Variants in KRT9 observed in about 807,000 individuals in gnomAD.
KRT9 encodes keratin, type I cytoskeletal 9.
In KRT9, 34 loss-of-function variants were observed where a neutral mutation model predicts 51.4. The observed-to-expected ratio is 0.66, with a 90% CI of 0.50 to 0.88. The LOEUF is 0.88. Among genes scored for constraint, KRT9 ranks in the 40% least tolerant of loss-of-function variants. The pLI, the probability that KRT9 is intolerant of heterozygous loss-of-function variation, is 0.00. For missense variants in KRT9, 753 were observed against 790.3 expected, an observed-to-expected ratio of 0.95 and a Z score of 0.57; for synonymous variants, 292 against 289.7, an observed-to-expected ratio of 1.01 and a Z score of -0.08.
rs1489175043 is a variant in KRT9, at chr17:41,567,697, C to T, written c.1448G>A (p.Gly483Asp). The T allele has an allele frequency of 1.2e-6, 2 of 1,613,958 alleles. No homozygotes were observed. The highest frequency in any genetic ancestry group is 1.7e-6 in the Non-Finnish European group (2 of 1,179,952). Reference protein sequence around the residue: ...IGLGGRGGSGGSYGRGSRGGS... With the variant: ...IGLGGRGGSGDSYGRGSRGGS... ...TCCCCTGGATCCTCTTCCATAACTG[C>T]CTCCACTTCCTCCTCGACCTCCAAG... Residue 483 changes from glycine (G) to aspartate (D), a missense_variant, in exon 7 of 8, where the codon GGC (glycine) becomes GAC (aspartate). Coordinates refer to ENST00000246662, the MANE Select transcript of KRT9 (RefSeq NM_000226.4).
Position 41,570,177 on chromosome 17 carries a change from A to G in KRT9, c.686T>C (p.Ile229Thr), listed in dbSNP as rs1190640783. ...ATCCAGTGTCATGCGAGTGTTGTCA[A>G]TGTCCAGGAGAGTTTTGTTGTTGCC... ...TVGNNKTLLD[I>T]DNTRMTLDDF... Residue 229 changes from isoleucine (I) to threonine (T), a missense_variant, in exon 2 of 8, where the codon ATT becomes ACT. Physicochemically the swap from Ile to Thr is moderately conservative, Grantham distance 89. Coordinates refer to ENST00000246662, the MANE Select transcript of KRT9 (RefSeq NM_000226.4). 4.3e-6 allele frequency: 7 copies of G among 1,614,138 alleles called. No individual in the cohort carries two copies. The Admixed American group carries it at 8.3e-5, about 19-fold the overall frequency.
Position 41,569,959 on chromosome 17 carries a change from C to T in KRT9, c.782G>A (p.Arg261Gln), listed in dbSNP as rs143907766. ...QGVDADINGL[R>Q]QVLDNLTMEK... ...CATGGTCAGATTGTCCAGCACCTGC[C>T]GCAGGCCATTGATGTCAGCATCCAC... The change falls in exon 3 of 8, where the codon CGG (arginine) becomes CAG (glutamine). Residue 261 changes from arginine to glutamine, a missense_variant. Arg to Gln is a conservative substitution (Grantham distance 43). Transcript: ENST00000246662. 20 of 1,614,028 alleles carry T rather than the reference C, an allele frequency of 1.2e-5. No individual in the cohort carries two copies. The highest frequency in any genetic ancestry group is 1.7e-5 in the Admixed American group (1 of 60,002).
Position 41,571,631 on chromosome 17 carries a change from C to G in KRT9, c.362G>C (p.Gly121Ala). The change falls in exon 1 of 8, where the codon GGT (glycine) becomes GCT (alanine). Residue 121 changes from glycine to alanine, a missense_variant. Coordinates refer to ENST00000246662, the MANE Select transcript of KRT9 (RefSeq NM_000226.4). The part of the protein sequence containing the change: ...FGGGFGGGSG[G>A]GFGGGYGSGF... ...ACTCCCATAGCCACCACCAAAGCCA[C>G]CTCCAGAACCACCACCAAAGCCACC... is the stretch of plus-strand genomic sequence containing the variant. The G allele has an allele frequency of 6.2e-7, 1 of 1,605,366 alleles. No homozygotes were observed.
intron 6 of KRT9, 38 bp from the exon 7 acceptor site, chr17:41,567,788 G>GC: frequency 1.2e-6 from 2 of 1,613,258 alleles, no homozygotes; most frequent in African/African-American, 1.3e-5. Flanking sequence ...AAAATGAGCG[G>GC]CCCCCATACA....
intron 3 of KRT9, 51 bp downstream of exon 3, chr17:41,569,808 G>A (rs1393845484): frequency 1.2e-6 from 2 of 1,607,678 alleles, no homozygotes; most frequent in African/African-American, 2.7e-5. Context: ...TGCTGTCTCT[G>A]CATTTCTGCT....
In KRT9 at chr17:41,567,357, A is replaced by G. The variant is rs747154475; in HGVS notation, c.1788T>C (p.Ser596=). ...HGGGSGFGGE[S]GGSYGGGEEA... Reference sequence around the variant, plus strand: ...CTTCACCGCCTCCGTAGCTGCCTCCACTTTCACCTCCAAAACCACTTCCTC... The same window carrying G: ...CTTCACCGCCTCCGTAGCTGCCTCCGCTTTCACCTCCAAAACCACTTCCTC... The change falls in exon 7 of 8, where the codon AGT becomes AGC. Residue 596 remains serine (S), a synonymous_variant. Coordinates refer to ENST00000246662, the MANE Select transcript of KRT9 (RefSeq NM_000226.4). The G allele has an allele frequency of 6.2e-7, 1 of 1,612,774 alleles. No individual in the cohort carries two copies. Among genetic ancestry groups the G allele is most frequent in the South Asian group, 1.1e-5 (1 of 90,960 alleles).
rs1160236780 is a variant in KRT9, at chr17:41,570,135, C to T, written c.725+3G>A. 1 of 1,613,850 alleles carries T rather than the reference C, an allele frequency of 6.2e-7. No homozygotes were observed. ...AGGAGAGGAGAAGAGGAGCAGGACTCACTTTATCCTGAAGTCATCCAGTGT... is the reference window on the plus strand; with the variant it reads ...AGGAGAGGAGAAGAGGAGCAGGACTTACTTTATCCTGAAGTCATCCAGTGT... On this transcript the variant is annotated splice_donor_region_variant and intron_variant, in intron 2 of 7. Transcript: ENST00000246662.
At chr17:41,567,137 T>C (rs1315829083) in intron 7 of KRT9, 96 bp downstream of exon 7, 2 of 1,572,566 alleles carry the variant, frequency 1.3e-6, no homozygotes, top group Non-Finnish European at 8.6e-7. Context: ...TCTAGCTCTA[T>C]TCAGAATCTG....
rs1437368500 is a variant in KRT9, at chr17:41,568,239, A to G, written c.1317T>C (p.Leu439=). 2 of 1,614,008 alleles carry G rather than the reference A, an allele frequency of 1.2e-6. No homozygotes were observed. The change falls in exon 6 of 8, where the codon CTT becomes CTC. Residue 439 remains leucine, a synonymous_variant. Transcript: ENST00000246662. The part of the protein sequence containing the change: ...EIECQNQEYS[L]LLSIKMRLEK... ...CCAGCCGCATCTTAATGCTGAGCAG[A>G]AGGCTGTATTCCTGATTCTGGCACT... is the stretch of plus-strand genomic sequence containing the variant.
chr17:41,568,992 G>C (rs1284044428), intron 4 of KRT9, among the ~76,000 whole-genome samples: 1 of 150,796 alleles, frequency 6.6e-6, no homozygotes, highest in Non-Finnish European at 1.5e-5. Context: ...GCCAGACTCT[G>C]GCTGGGCACT....
chr17:41,569,749 T>C, intron 3 of KRT9, 110 bp downstream of exon 3: 1 of 1,519,730 alleles, frequency 6.6e-7, no homozygotes, highest in Non-Finnish European at 9.1e-7. Flanking sequence ...GAAAGTGTCC[T>C]CAAGAGCAAA....
chr17:41,570,359 A>ACATGGC, intron 1 of KRT9, 139 bp from the exon 2 acceptor site: 1 of 782,712 alleles, frequency 1.3e-6, no homozygotes, highest in Non-Finnish European at 2.3e-6. Flanking sequence ...AACAGCTGGG[A>ACATGGC]CATGGCACAG....
In KRT9 at chr17:41,567,514, C is replaced by G; in HGVS notation, c.1631G>C (p.Gly544Ala). The G allele has an allele frequency of 6.4e-7, 1 of 1,551,448 alleles. No homozygotes were observed. Among genetic ancestry groups the G allele is most frequent in the East Asian group, 2.4e-5 (1 of 40,890 alleles). ...YGGGSGGGHS[G>A]GSGGGHSGGS... ...TCCACTATGACCACCTCCACTTCCT[C>G]CGCTATGGCCACCTCCACTTCCTCC... The change falls in exon 7 of 8, where the codon GGA becomes GCA. Residue 544 changes from glycine (G) to alanine (A), a missense_variant. By Grantham distance (60) the Gly-to-Ala change is moderately conservative. Transcript: ENST00000246662.
At chr17:41,568,414 G>C (rs746754973) in intron 5 of KRT9, 29 bp from the exon 6 acceptor site, 5 of 1,613,554 alleles carry the variant, frequency 3.1e-6, no homozygotes, top group Non-Finnish European at 4.2e-6. Flanking sequence ...CTTTAAGAGG[G>C]ATGCTACATC....
chr17:41,567,180 A>G, intron 7 of KRT9, 53 bp downstream of exon 7: 1 of 1,581,678 alleles, frequency 6.3e-7, no homozygotes, highest in South Asian at 1.2e-5. Context: ...ACTCAAAAAA[A>G]AAAAAAGGTG....
chr17:41,566,599 C>T (rs1215960672), intron 7 of KRT9, among the ~76,000 whole-genome samples: 1 of 152,250 alleles, frequency 6.6e-6, no homozygotes, highest in Admixed American at 6.5e-5. Context: ...ATTACCCAGG[C>T]TTTTCCTATA....
intron 4 of KRT9, among the ~76,000 whole-genome samples, chr17:41,569,092 G>A (rs1447680085): frequency 1.3e-5 from 2 of 152,160 alleles, no homozygotes; most frequent in African/African-American, 4.8e-5. Flanking sequence ...ACATTACATA[G>A]CATTAGATTA....
In KRT9 at chr17:41,571,607, C is replaced by A; in HGVS notation, c.386G>T (p.Ser129Ile). 6.2e-7 allele frequency: 1 copy of A among 1,606,364 alleles called. No individual in the cohort carries two copies. The highest frequency in any genetic ancestry group is 8.5e-7 in the Non-Finnish European group (1 of 1,175,920). Reference sequence around the variant, plus strand: ...AAAGCCCCCAAACCCCCCAAACCCACTCCCATAGCCACCACCAAAGCCACC... The same window carrying A: ...AAAGCCCCCAAACCCCCCAAACCCAATCCCATAGCCACCACCAAAGCCACC... ...SGGGFGGGYG[S>I]GFGGFGGFGG... is the part of the protein sequence containing the mutation. Residue 129 changes from serine to isoleucine, a missense_variant, in exon 1 of 8, where the codon AGT becomes ATT. Physicochemically the swap from Ser to Ile is moderately radical, Grantham distance 142. Transcript: ENST00000246662.
At chr17:41,568,771 G>A (rs1906968311) in intron 4 of KRT9, 138 bp from the exon 5 acceptor site, 3 of 1,148,264 alleles carry the variant, frequency 2.6e-6, no homozygotes, top group Non-Finnish European at 3.9e-6. Flanking sequence ...TGAGTTCTGG[G>A]TACCCTCCAG....
Sources: allele counts gnomAD v4.1 joint callset (sites outside exome capture counted in the v4.1 genomes callset), GRCh38; gene constraint gnomAD v4.1.1; transcripts MANE v1.5; gene names NCBI Gene and HGNC (gene_info 2026-07-23, HGNC 2026-07-21).